Variants in ARFGEF1 observed in about 807,000 individuals in gnomAD.
The protein encoded by ARFGEF1 is brefeldin A-inhibited guanine nucleotide-exchange protein 1.
In ARFGEF1, 42 loss-of-function variants were observed where a neutral mutation model predicts 231.0. The ratio of observed to expected loss-of-function variants is 0.18; its 90% CI spans 0.14 to 0.24. The LOEUF (loss-of-function observed/expected upper bound fraction) is 0.24, where lower values mean the gene tolerates loss of function less well. ARFGEF1 is among the 10% of genes least tolerant of loss of function. The probability of loss-of-function intolerance (pLI) is 1.00; values close to 1 mark genes in which losing one functional copy is unlikely to be tolerated. For missense variants in ARFGEF1, 1,345 were observed against 2,192.0 expected, an observed-to-expected ratio of 0.61 and a Z score of 7.72; for synonymous variants, 710 against 732.3, an observed-to-expected ratio of 0.97 and a Z score of 0.49.
Position 67,244,313 on chromosome 8 carries a change from G to GT in ARFGEF1, c.2851-4024dup, listed in dbSNP as rs1322146467. Among the ~76,000 whole-genome samples, 71 of 83,532 alleles carry GT rather than the reference G, an allele frequency of 8.5e-4. 8 individuals carry two copies. The highest frequency in any genetic ancestry group is 3.3e-3 in the African/African-American group (70 of 21,396). The allele number at this position is 83,532 out of a possible 152,430, so 54.8% of individuals were successfully genotyped here. ...TCGTCTCTCTCTCTCTGTTGTTGTT[G>GT]TTGTTTTTTTTTTTTTTTTTGAGGA... On this transcript the variant is annotated intron_variant, in intron 19 of 38. Transcript: ENST00000262215.
downstream of ARFGEF1, chr8:67,175,444 A>G (rs775794851): frequency 1.9e-6 from 3 of 1,614,104 alleles, no homozygotes; most frequent in Admixed American, 1.7e-5. Flanking sequence ...AAGGTAAGAA[A>G]TAATCATTGC....
intron 1 of ARFGEF1, among the ~76,000 whole-genome samples, chr8:67,317,121 T>C (rs1807354202): frequency 6.6e-6 from 1 of 152,170 alleles, no homozygotes; most frequent in Non-Finnish European, 1.5e-5. Context: ...GGGTAAAGCA[T>C]TCTGACGACA....
At chr8:67,175,346 G>GATC (rs774996607), downstream of ARFGEF1, 4 of 1,613,430 alleles carry the variant, frequency 2.5e-6, no homozygotes. Flanking sequence ...TCCTCCAAGA[G>GATC]ATCATCACAC....
intron 29 of ARFGEF1, among the ~76,000 whole-genome samples, chr8:67,222,190 T>TATATATATATATACACACAC (rs1839200798): frequency 7.4e-6 from 1 of 134,936 alleles, no homozygotes; most frequent in African/African-American, 3.0e-5. Context: ...CACATATATA[T>TATATATATATATACACACAC]ATATATATAT....
At chr8:67,187,028 A>G (rs1226547103) in intron 5 of ARFGEF1, among the ~76,000 whole-genome samples, 1 of 151,662 alleles carries the variant, frequency 6.6e-6, no homozygotes, top group East Asian at 1.9e-4. Context: ...CTATCTATCT[A>G]GAACTGCCTG....
At position 67,302,485 on chromosome 8, in the gene ARFGEF1, A is replaced by G. The variant is rs757631323; in HGVS notation, c.125-19T>C. ...ATTTCCTCTGAGGGGAAAAAAAAAG[A>G]AGCATACATTAGAAAACTGGACAGC... On this transcript the variant is annotated intron_variant, in intron 1 of 38. Coordinates refer to ENST00000262215, the MANE Select transcript of ARFGEF1 (RefSeq NM_006421.5). 1 of 1,550,692 alleles carries G rather than the reference A, an allele frequency of 6.4e-7. No homozygotes were observed. Among genetic ancestry groups the G allele is most frequent in the Non-Finnish European group, 8.7e-7 (1 of 1,150,964 alleles).
At chr8:67,294,677 GAAAT>G (rs1806153628) in intron 5 of ARFGEF1, among the ~76,000 whole-genome samples, 1 of 152,156 alleles carries the variant, frequency 6.6e-6, no homozygotes, top group Non-Finnish European at 1.5e-5. Flanking sequence ...ACTGGAATCA[GAAAT>G]ATCAGTATGA....
intron 1 of ARFGEF1, among the ~76,000 whole-genome samples, chr8:67,315,155 T>A (rs1807248229): frequency 6.6e-6 from 1 of 152,040 alleles, no homozygotes; most frequent in African/African-American, 2.4e-5. Flanking sequence ...AAACAAAAAA[T>A]GACCAGAACA....
chr8:67,246,042 C>T (rs918648643), intron 19 of ARFGEF1, among the ~76,000 whole-genome samples: 3 of 150,252 alleles, frequency 2.0e-5, no homozygotes, highest in African/African-American at 7.5e-5. Context: ...CAAGAGGATA[C>T]AGCAATTGTG....
chr8:67,224,102 C>G (rs758224193), intron 29 of ARFGEF1, among the ~76,000 whole-genome samples: 58 of 152,054 alleles, frequency 3.8e-4, no homozygotes, highest in Non-Finnish European at 8.2e-4. Context: ...AAGAGAGATT[C>G]ATTCTGTGCT....
At chr8:67,176,004 A>T in intron 5 of ARFGEF1, among the ~76,000 whole-genome samples, 1 of 149,612 alleles carries the variant, frequency 6.7e-6, no homozygotes, top group Non-Finnish European at 1.5e-5. Context: ...TGAGGAGGTT[A>T]TATTTTGTTG....
intron 5 of ARFGEF1, chr8:67,190,613 G>A: frequency 2.7e-6 from 4 of 1,476,826 alleles, no homozygotes; most frequent in South Asian, 2.3e-5. Context: ...ATTTGAAGCA[G>A]TATTAAGACT....
chr8:67,247,812 C>T (rs760157600), intron 19 of ARFGEF1, among the ~76,000 whole-genome samples: 1 of 150,312 alleles, frequency 6.7e-6, no homozygotes, highest in Non-Finnish European at 1.5e-5. Flanking sequence ...TTTGGAAAAG[C>T]CTGAACGCTC....
intron 34 of ARFGEF1, among the ~76,000 whole-genome samples, chr8:67,210,774 G>A (rs966730644): frequency 2.0e-5 from 3 of 152,182 alleles, no homozygotes; most frequent in African/African-American, 7.2e-5. Flanking sequence ...TGATGACATG[G>A]CCAGGCGCAG....
At chr8:67,244,337 GATCTCACTCTGTTACT>G (rs1840039052) in intron 19 of ARFGEF1, among the ~76,000 whole-genome samples, 2 of 122,246 alleles carry the variant, frequency 1.6e-5, no homozygotes, top group African/African-American at 6.5e-5. Flanking sequence ...TTTTTTTGAG[GATCTCACTCTGTTACT>G]CAGGCTGGAG....
intron 5 of ARFGEF1, among the ~76,000 whole-genome samples, chr8:67,294,641 G>A (rs565897787): frequency 4.6e-5 from 7 of 152,212 alleles, no homozygotes; most frequent in Non-Finnish European, 1.0e-4. Flanking sequence ...AAAGGGAGAA[G>A]ACTGAAATGA....
At chr8:67,318,169 GCAGCTTGCAGT>G (rs1266248599) in intron 1 of ARFGEF1, among the ~76,000 whole-genome samples, 1 of 148,832 alleles carries the variant, frequency 6.7e-6, no homozygotes, top group Non-Finnish European at 1.5e-5. Flanking sequence ...CCCGGGAGCC[GCAGCTTGCAGT>G]GAGCCGAGAT....
chr8:67,292,199 A>G (rs1806038861), intron 5 of ARFGEF1, 76 bp from the exon 6 acceptor site: 1 of 1,284,778 alleles, frequency 7.8e-7, no homozygotes, highest in Non-Finnish European at 1.1e-6. Context: ...ACCTCCAACA[A>G]TCCTTTCTAT....
intron 36 of ARFGEF1, among the ~76,000 whole-genome samples, chr8:67,202,282 TGGGGTCTCACTGTGTTGCCCAGGCTGGA>T (rs757124810): frequency 2.4e-4 from 37 of 152,240 alleles, no homozygotes; most frequent in Admixed American, 1.2e-3. Flanking sequence ...TTTTAAGAGA[TGGGGTCTCACTGTGTTGCCCAGGCTGGA>T]GGGGAGTAGT....
Sources: gnomAD v4.1 joint callset for allele counts (sites outside exome capture counted in the v4.1 genomes callset) on GRCh38, gnomAD v4.1.1 for gene constraint, MANE v1.5 for transcripts, NCBI Gene and HGNC (gene_info 2026-07-23, HGNC 2026-07-21) for gene names.